The following SAMD12 variants were observed in gnomAD, a reference collection of about 807,000 sequenced individuals.
SAMD12 encodes sterile alpha motif domain-containing protein 12.
Under a neutral mutation model 15.0 loss-of-function variants are expected in SAMD12, and 9 were observed. The observed-to-expected ratio is 0.60, with a 90% CI of 0.36 to 1.05. The LOEUF is 1.05. Among genes scored for constraint, SAMD12 ranks in the 50% least tolerant of loss-of-function variants. The pLI, the probability that SAMD12 is intolerant of heterozygous loss-of-function variation, is 0.01. For synonymous variants in SAMD12, 86 were observed against 90.1 expected, an observed-to-expected ratio of 0.96 and a Z score of 0.25; for missense variants, 230 against 234.2, an observed-to-expected ratio of 0.98 and a Z score of 0.12.
At chr8:118,376,374 G>A (rs1819389848), downstream of SAMD12, among the ~76,000 whole-genome samples, 1 of 152,086 alleles carries the variant, frequency 6.6e-6, no homozygotes. Context: ...TCACGGGGGT[G>A]CAGCCCTCAT....
chr8:118,189,853 G>T (rs1819311161), exon 5 of SAMD12: 1 of 148,662 alleles, frequency 6.7e-6, no homozygotes, highest in Non-Finnish European at 1.5e-5. Context: ...AACTAAAGTG[G>T]ATATCCAACA....
chr8:118,490,555 C>T (rs1563891385), intron 2 of SAMD12, among the ~76,000 whole-genome samples: 2 of 152,150 alleles, frequency 1.3e-5, no homozygotes, highest in Admixed American at 6.5e-5. Flanking sequence ...CTAAGAGTAA[C>T]AACAACAACC....
intron 1 of SAMD12, among the ~76,000 whole-genome samples, chr8:118,608,554 A>C (rs541563965): frequency 2.4e-4 from 36 of 152,222 alleles, no homozygotes; most frequent in Middle Eastern, 6.8e-3. Flanking sequence ...CCCAGGCCAG[A>C]GTGCAATGGC....
chr8:118,516,176 T>C (rs1247285498), intron 2 of SAMD12, among the ~76,000 whole-genome samples: 2 of 152,252 alleles, frequency 1.3e-5, no homozygotes, highest in Admixed American at 1.3e-4. Context: ...GGATCTTTTA[T>C]TTTGCCACTG....
At chr8:118,571,790 A>G (rs1161801272) in intron 2 of SAMD12, among the ~76,000 whole-genome samples, 1 of 152,210 alleles carries the variant, frequency 6.6e-6, no homozygotes, top group Admixed American at 6.5e-5. Context: ...ATGTTCAGGC[A>G]GAAGTTTGCT....
rs1387275090 is a variant in SAMD12 at position 118,378,284 on chromosome 8, T to A, written c.*1133A>T. ...TCTAGGTTGCTTGTAAATTTTCCGT[T>A]TTCCAAATAGCACTGTGACAGACTT... is the stretch of plus-strand genomic sequence containing the variant. On this transcript the variant is annotated 3_prime_UTR_variant, in exon 4 of 4. Transcript: ENST00000314727. 1.6e-6 allele frequency: 1 copy of A among 623,502 alleles called. No homozygotes were observed. Among genetic ancestry groups the A allele is most frequent in the Non-Finnish European group, 2.0e-6 (1 of 500,024 alleles). 38.6% of individuals were successfully genotyped at this position (623,502 alleles called of 1,614,324 possible).
the SAMD12 span, among the ~76,000 whole-genome samples, chr8:118,140,115 A>G: frequency 6.6e-6 from 1 of 152,192 alleles, no homozygotes; most frequent in Non-Finnish European, 1.5e-5. Context: ...TCTTTCAAAA[A>G]ACTTTGACAC....
intron 4 of SAMD12, among the ~76,000 whole-genome samples, chr8:118,267,962 G>A (rs1301766673): frequency 6.6e-6 from 1 of 152,102 alleles, no homozygotes; most frequent in Non-Finnish European, 1.5e-5. Flanking sequence ...TATGGTGGCA[G>A]GTGCCTGTAA....
intron 4 of SAMD12, among the ~76,000 whole-genome samples, chr8:118,315,156 A>G (rs1815829259): frequency 6.6e-6 from 1 of 152,206 alleles, no homozygotes; most frequent in Non-Finnish European, 1.5e-5. Context: ...TTATGGAGAC[A>G]TGCTCACATG....
At chr8:118,449,022 C>T (rs1180302767) in intron 2 of SAMD12, among the ~76,000 whole-genome samples, 3 of 151,024 alleles carry the variant, frequency 2.0e-5, no homozygotes, top group African/African-American at 7.3e-5. Flanking sequence ...TCAAGCCTGG[C>T]TTGGGGAAGC....
chr8:118,200,403 C>CCA (rs1819683053), intron 4 of SAMD12, among the ~76,000 whole-genome samples: 1 of 114,220 alleles, frequency 8.8e-6, no homozygotes. Flanking sequence ...ATTAGAGTAC[C>CCA]AAAAAAAAAA....
intron 2 of SAMD12, among the ~76,000 whole-genome samples, chr8:118,568,333 T>C (rs1826905571): frequency 6.6e-6 from 1 of 152,102 alleles, no homozygotes; most frequent in Admixed American, 6.6e-5. Flanking sequence ...GGAGCAGCAA[T>C]GAGCATAGAA....
intron 2 of SAMD12, among the ~76,000 whole-genome samples, chr8:118,441,180 T>C (rs1438260429): frequency 6.6e-6 from 1 of 152,164 alleles, no homozygotes; most frequent in African/African-American, 2.4e-5. Flanking sequence ...AAAAAGGTAG[T>C]ATATCTAGCA....
intron 2 of SAMD12, among the ~76,000 whole-genome samples, chr8:118,489,142 T>C (rs1232908252): frequency 6.6e-6 from 1 of 152,192 alleles, no homozygotes; most frequent in African/African-American, 2.4e-5. Flanking sequence ...AATACCCCCC[T>C]TTTGTGAAGT....
At chr8:118,270,824 T>A (rs955266557) in intron 4 of SAMD12, among the ~76,000 whole-genome samples, 1 of 152,138 alleles carries the variant, frequency 6.6e-6, no homozygotes, top group Admixed American at 6.6e-5. Flanking sequence ...AACACATATA[T>A]CCTATATCAC....
At chr8:118,167,573 T>C in the SAMD12 span, among the ~76,000 whole-genome samples, 10,007 of 152,218 alleles carry the variant, frequency 0.066, 1,058 homozygotes, top group African/African-American at 0.23. Context: ...GAAAATGCTA[T>C]CAGGAAGTGG....
chr8:118,243,456 A>G (rs1812618338), intron 4 of SAMD12, among the ~76,000 whole-genome samples: 1 of 145,450 alleles, frequency 6.9e-6, no homozygotes, highest in Admixed American at 7.1e-5. Flanking sequence ...GCACTGTACC[A>G]CTCCATTTTT....
chr8:118,354,294 T>G (rs138974561), intron 4 of SAMD12, among the ~76,000 whole-genome samples: 1 of 152,212 alleles, frequency 6.6e-6, no homozygotes, highest in African/African-American at 2.4e-5. Flanking sequence ...ACAACAAACA[T>G]GTAAAGTAGA....
chr8:118,435,502 C>T (rs1027327675), intron 3 of SAMD12, among the ~76,000 whole-genome samples: 2 of 152,134 alleles, frequency 1.3e-5, no homozygotes, highest in Non-Finnish European at 2.9e-5. Flanking sequence ...TCTGATTAAA[C>T]ACATCTGCCA....
Sources: allele counts gnomAD v4.1 joint callset (sites outside exome capture counted in the v4.1 genomes callset), GRCh38; gene constraint gnomAD v4.1.1; transcripts MANE v1.5; gene names NCBI Gene and HGNC (gene_info 2026-07-23, HGNC 2026-07-21).